The following CADM1 variants were observed in gnomAD, a reference collection of about 807,000 sequenced individuals.
CADM1 encodes cell adhesion molecule 1, also known as TSLC-1.
CADM1 carries 15 observed loss-of-function variants against 53.1 expected under a neutral mutation model. That is an observed-to-expected ratio of 0.28 (90% CI 0.19 to 0.44). The LOEUF is 0.44. CADM1 is among the 20% of genes least tolerant of loss of function. The pLI is 1.00. For missense variants in CADM1, 434 were observed against 611.3 expected (o/e 0.71, Z 3.06); for synonymous variants, 281 against 243.0 (o/e 1.16, Z -1.45).
At chr11:115,431,221 GTTAT>G (rs945562197) in intron 1 of CADM1, among the ~76,000 whole-genome samples, 1 of 152,144 alleles carries the variant, frequency 6.6e-6, no homozygotes, top group African/African-American at 2.4e-5. Context: ...ATTATTTCGT[GTTAT>G]TTAATGTCGG....
intron 1 of CADM1, among the ~76,000 whole-genome samples, chr11:115,403,956 T>C (rs1331093987): frequency 6.6e-6 from 1 of 151,674 alleles, no homozygotes; most frequent in Non-Finnish European, 1.5e-5. Flanking sequence ...AAGTCAGTTT[T>C]TAGAAAAAAA....
intron 1 of CADM1, among the ~76,000 whole-genome samples, chr11:115,339,545 A>T (rs983646989): frequency 1.3e-5 from 2 of 152,242 alleles, no homozygotes; most frequent in Admixed American, 6.5e-5. Context: ...AACTTCATGG[A>T]GCTTTTCTCA....
intron 1 of CADM1, among the ~76,000 whole-genome samples, chr11:115,314,303 A>C (rs1944603954): frequency 6.6e-6 from 1 of 152,180 alleles, no homozygotes; most frequent in African/African-American, 2.4e-5. Context: ...TAAACAATTA[A>C]GTTAATGAGC....
intron 1 of CADM1, among the ~76,000 whole-genome samples, chr11:115,469,167 C>G (rs952414042): frequency 2.0e-5 from 3 of 152,146 alleles, no homozygotes; most frequent in Non-Finnish European, 4.4e-5. Context: ...CTTATAGAAG[C>G]TCTGATTTCT....
chr11:115,250,101 C>T (rs911741638), intron 1 of CADM1, among the ~76,000 whole-genome samples: 1 of 152,144 alleles, frequency 6.6e-6, no homozygotes, highest in Non-Finnish European at 1.5e-5. Flanking sequence ...GATGAGGTTT[C>T]ACTGTGTTAG....
chr11:115,484,178 A>G (rs1367595426), intron 1 of CADM1, among the ~76,000 whole-genome samples: 1 of 152,194 alleles, frequency 6.6e-6, no homozygotes, highest in Non-Finnish European at 1.5e-5. Context: ...GCTCCCACAC[A>G]TCAATTTCAT....
intron 1 of CADM1, among the ~76,000 whole-genome samples, chr11:115,284,985 G>A (rs947988638): frequency 1.3e-5 from 2 of 152,146 alleles, no homozygotes; most frequent in Admixed American, 6.5e-5. Flanking sequence ...TCAATCCAAC[G>A]AAGCATTCAC....
At chr11:115,293,175 G>T (rs1406328638) in intron 1 of CADM1, among the ~76,000 whole-genome samples, 1 of 152,198 alleles carries the variant, frequency 6.6e-6, no homozygotes, top group South Asian at 2.1e-4. Flanking sequence ...ACTCACGCCT[G>T]TAATCCCAGC....
intron 1 of CADM1, among the ~76,000 whole-genome samples, chr11:115,465,738 T>TA (rs1948886394): frequency 6.6e-6 from 1 of 152,046 alleles, no homozygotes; most frequent in Non-Finnish European, 1.5e-5. Context: ...CTCCCTTAGA[T>TA]TTTTTTTCCC....
intron 1 of CADM1, among the ~76,000 whole-genome samples, chr11:115,427,104 T>G (rs942932796): frequency 1.3e-5 from 2 of 152,124 alleles, no homozygotes; most frequent in East Asian, 3.9e-4. Flanking sequence ...CAGCCAAGCA[T>G]AGCAGATATA....
At chr11:115,284,098 CTCTCTCTCTCTCTCTCTGTG>C (rs1435874617) in intron 1 of CADM1, among the ~76,000 whole-genome samples, 1 of 130,254 alleles carries the variant, frequency 7.7e-6, no homozygotes, top group African/African-American at 3.2e-5. Context: ...CTCTCTCTCT[CTCTCTCTCTCTCTCTCTGTG>C]TGTGTGTGTG....
At chr11:115,357,036 T>C (rs1191692042) in intron 1 of CADM1, among the ~76,000 whole-genome samples, 1 of 152,220 alleles carries the variant, frequency 6.6e-6, no homozygotes, top group African/African-American at 2.4e-5. Flanking sequence ...AACTGTCTTT[T>C]AGAGGAATCT....
At chr11:115,287,985 G>A (rs1411027200) in intron 1 of CADM1, among the ~76,000 whole-genome samples, 1 of 152,162 alleles carries the variant, frequency 6.6e-6, no homozygotes, top group Non-Finnish European at 1.5e-5. Flanking sequence ...AGGAGAGTTG[G>A]GGCAGTGTGT....
chr11:115,339,686 T>C (rs935169541), intron 1 of CADM1, among the ~76,000 whole-genome samples: 2 of 152,100 alleles, frequency 1.3e-5, no homozygotes, highest in African/African-American at 4.8e-5. Flanking sequence ...CTATCTAATA[T>C]CAAAGTATAG....
chr11:115,391,687 T>A (rs1214138443), intron 1 of CADM1, among the ~76,000 whole-genome samples: 2 of 152,148 alleles, frequency 1.3e-5, no homozygotes, highest in Non-Finnish European at 2.9e-5. Flanking sequence ...TCTCACCAGG[T>A]GGTGAAGAAA....
intron 1 of CADM1, among the ~76,000 whole-genome samples, chr11:115,329,331 A>G (rs564719402): frequency 4.6e-5 from 7 of 152,196 alleles, no homozygotes; most frequent in Non-Finnish European, 1.0e-4. Context: ...TTCCACAATA[A>G]TCTCCATCAG....
chr11:115,491,000 G>A (rs1175202230), intron 1 of CADM1, among the ~76,000 whole-genome samples: 1 of 152,090 alleles, frequency 6.6e-6, no homozygotes. Context: ...GGACTGAGAT[G>A]TCCAAGAGGC....
At chr11:115,429,175 A>G (rs1047999987) in intron 1 of CADM1, among the ~76,000 whole-genome samples, 2 of 152,204 alleles carry the variant, frequency 1.3e-5, no homozygotes, top group Admixed American at 6.5e-5. Context: ...TTAAAAAGGG[A>G]AAAAGCAGAG....
At chr11:115,463,152 G>A (rs1565440206) in intron 1 of CADM1, among the ~76,000 whole-genome samples, 2 of 152,068 alleles carry the variant, frequency 1.3e-5, no homozygotes, top group Admixed American at 1.3e-4. Context: ...TATTTCTGGG[G>A]ACTCACCAAC....
Sources: gnomAD v4.1 joint callset for allele counts (sites outside exome capture counted in the v4.1 genomes callset) on GRCh38, gnomAD v4.1.1 for gene constraint, MANE v1.5 for transcripts, NCBI Gene and HGNC (gene_info 2026-07-23, HGNC 2026-07-21) for gene names.